MDGA2: variants seen among roughly 807,000 people sequenced by gnomAD.
MDGA2 encodes MAM domain-containing glycosylphosphatidylinositol anchor protein 2.
Under a neutral mutation model 117.8 loss-of-function variants are expected in MDGA2, and 40 were observed. The ratio of observed to expected loss-of-function variants is 0.34; its 90% confidence interval spans 0.26 to 0.44. The LOEUF (loss-of-function observed/expected upper bound fraction) is 0.44, where lower values mean the gene tolerates loss of function less well. Ranked by LOEUF, MDGA2 falls within the 20% of genes least tolerant of loss-of-function variation. MDGA2 has a pLI of 1.00. For missense variants in MDGA2, 1,123 were observed against 1,250.6 expected (o/e 0.90, Z 1.54); for synonymous variants, 452 against 439.0 (o/e 1.03, Z -0.37).
intron 1 of MDGA2, among the ~76,000 whole-genome samples, chr14:47,674,048 A>C (rs1898126158): frequency 6.8e-6 from 1 of 147,364 alleles, no homozygotes; most frequent in Non-Finnish European, 1.5e-5. Context: ...CGGAAAATCA[A>C]GGCATGTAGG....
At chr14:47,059,530 A>T in intron 7 of MDGA2, 1 of 354,714 alleles carries the variant, frequency 2.8e-6, no homozygotes, top group Non-Finnish European at 5.5e-6. Context: ...TATATAACAC[A>T]TAGTTTCAAA....
intron 1 of MDGA2, among the ~76,000 whole-genome samples, chr14:47,514,138 C>T (rs1056127231): frequency 2.0e-5 from 3 of 152,002 alleles, no homozygotes; most frequent in Admixed American, 6.6e-5. Context: ...GTTTTCAATT[C>T]GTTTGTTTTG....
At chr14:46,883,567 A>G (rs1882548191) in intron 10 of MDGA2, among the ~76,000 whole-genome samples, 1 of 152,028 alleles carries the variant, frequency 6.6e-6, no homozygotes, top group Non-Finnish European at 1.5e-5. Context: ...TAGTAACAAT[A>G]AAGTGTATAA....
At chr14:47,561,549 G>A (rs1895817117) in intron 1 of MDGA2, among the ~76,000 whole-genome samples, 1 of 152,110 alleles carries the variant, frequency 6.6e-6, no homozygotes, top group South Asian at 2.1e-4. Flanking sequence ...TGGTGTATGG[G>A]AATGCTACTG....
chr14:47,453,572 T>G (rs1292230808), intron 1 of MDGA2, among the ~76,000 whole-genome samples: 5 of 152,164 alleles, frequency 3.3e-5, no homozygotes, highest in Non-Finnish European at 7.3e-5. Context: ...TTCTTGGTAA[T>G]TTCTTACCTC....
intron 1 of MDGA2, among the ~76,000 whole-genome samples, chr14:47,378,151 A>T (rs1334908204): frequency 1.3e-5 from 2 of 152,208 alleles, no homozygotes; most frequent in Non-Finnish European, 2.9e-5. Context: ...GAGGGTCCTG[A>T]CTGTTAGAAG....
At chr14:47,367,137 T>C (rs572588247) in intron 1 of MDGA2, among the ~76,000 whole-genome samples, 4 of 152,310 alleles carry the variant, frequency 2.6e-5, no homozygotes, top group African/African-American at 9.6e-5. Context: ...TCTTAATTAT[T>C]CTTTATTTTA....
chr14:46,896,510 T>A (rs1883083893), intron 10 of MDGA2, among the ~76,000 whole-genome samples: 1 of 152,036 alleles, frequency 6.6e-6, no homozygotes, highest in African/African-American at 2.4e-5. Flanking sequence ...TAATGGAGGA[T>A]CAAGCAGAGT....
chr14:47,252,634 T>C (rs752320143), intron 2 of MDGA2, among the ~76,000 whole-genome samples: 65 of 152,272 alleles, frequency 4.3e-4, no homozygotes, highest in Non-Finnish European at 8.7e-4. Flanking sequence ...ACACAAGTGC[T>C]TACAGGAGCA....
At chr14:46,911,042 G>A (rs943304718) in intron 10 of MDGA2, among the ~76,000 whole-genome samples, 1 of 151,956 alleles carries the variant, frequency 6.6e-6, no homozygotes, top group African/African-American at 2.4e-5. Context: ...ATAACTAGTG[G>A]GTACTAGGAT....
At chr14:47,012,373 A>AT in intron 8 of MDGA2, among the ~76,000 whole-genome samples, 1 of 152,214 alleles carries the variant, frequency 6.6e-6, no homozygotes, top group South Asian at 2.1e-4. Context: ...TCATTTAGTA[A>AT]TTTTTTATTA....
intron 2 of MDGA2, among the ~76,000 whole-genome samples, chr14:47,260,651 T>C (rs1887765568): frequency 6.6e-6 from 1 of 152,120 alleles, no homozygotes; most frequent in African/African-American, 2.4e-5. Context: ...AATTTTTGTC[T>C]ATATAGTCCC....
rs145153833 is a variant in MDGA2 at position 47,217,153 on chromosome 14, T to C, written c.595+868A>G. 2.3e-3 allele frequency among the ~76,000 whole-genome samples: 351 copies of C among 151,854 alleles called. 3 individuals carry two copies. Among genetic ancestry groups the C allele is most frequent in the African/African-American group, 7.9e-3 (329 of 41,406 alleles). ...AACTAGGTAACATCCTATCCTGCAA[T>C]GAAAGAAAAGAAAGGGGAAAGAAAG... On this transcript the variant is annotated intron_variant, in intron 3 of 16. Coordinates refer to ENST00000399232, the MANE Select transcript of MDGA2 (RefSeq NM_001113498.3).
intron 2 of MDGA2, among the ~76,000 whole-genome samples, chr14:47,245,252 C>T (rs184377479): frequency 1.0e-3 from 158 of 151,936 alleles, no homozygotes; most frequent in African/African-American, 3.6e-3. Flanking sequence ...TGGTCTCGAA[C>T]TCCTGAGGTC....
chr14:46,954,602 C>T (rs1316874096), intron 9 of MDGA2, among the ~76,000 whole-genome samples: 1 of 151,908 alleles, frequency 6.6e-6, no homozygotes. Flanking sequence ...ACTCACATTG[C>T]CTCCTCTTCT....
chr14:46,986,907 G>C (rs1253967222), intron 8 of MDGA2, among the ~76,000 whole-genome samples: 1 of 152,070 alleles, frequency 6.6e-6, no homozygotes, highest in Non-Finnish European at 1.5e-5. Flanking sequence ...ACCATTCTGA[G>C]AGATGGACTT....
intron 1 of MDGA2, among the ~76,000 whole-genome samples, chr14:47,584,383 T>C (rs1426661525): frequency 3.3e-5 from 5 of 151,982 alleles, no homozygotes; most frequent in Non-Finnish European, 7.4e-5. Flanking sequence ...AACATGATGG[T>C]TGTTCAATCA....
chr14:46,845,347 A>T (rs1880792675), intron 16 of MDGA2, among the ~76,000 whole-genome samples: 1 of 152,182 alleles, frequency 6.6e-6, no homozygotes, highest in Non-Finnish European at 1.5e-5. Context: ...TCTTTCTTTT[A>T]TAAATTACCC....
chr14:47,381,548 T>G (rs575231367), intron 1 of MDGA2, among the ~76,000 whole-genome samples: 3,687 of 152,096 alleles, frequency 0.024, 65 homozygotes, highest in Non-Finnish European at 0.038. Flanking sequence ...AAAATCACAG[T>G]CATTCCTATA....
Sources: gnomAD v4.1 joint callset for allele counts (sites outside exome capture counted in the v4.1 genomes callset) on GRCh38, gnomAD v4.1.1 for gene constraint, MANE v1.5 for transcripts, NCBI Gene and HGNC (gene_info 2026-07-23, HGNC 2026-07-21) for gene names.